CNTNAP2: variants seen among roughly 807,000 people sequenced by gnomAD.
The protein encoded by CNTNAP2 is contactin-associated protein-like 2.
A neutral mutation model predicts 155.2 loss-of-function variants in CNTNAP2; 98 were observed. The observed-to-expected ratio is 0.63, with a 90% CI of 0.54 to 0.75. The LOEUF (loss-of-function observed/expected upper bound fraction) is 0.75, where lower values mean the gene tolerates loss of function less well. CNTNAP2 is among the 30% of genes least tolerant of loss of function. The pLI is 0.00. For missense variants in CNTNAP2, 1,727 were observed against 1,688.1 expected (o/e 1.02, Z -0.40); for synonymous variants, 651 against 631.2 (o/e 1.03, Z -0.47).
At chr7:147,592,239 TTAGA>T (rs1800748709) in intron 12 of CNTNAP2, among the ~76,000 whole-genome samples, 1 of 152,176 alleles carries the variant, frequency 6.6e-6, no homozygotes, top group Non-Finnish European at 1.5e-5. Flanking sequence ...ATAAAAATGA[TTAGA>T]TAGAAGAAAC....
intron 13 of CNTNAP2, among the ~76,000 whole-genome samples, chr7:147,833,544 G>A (rs939160270): frequency 6.6e-6 from 1 of 152,190 alleles, no homozygotes; most frequent in African/African-American, 2.4e-5. Flanking sequence ...GCTGGCCTCA[G>A]CTTCTCTAAT....
At chr7:146,785,765 A>G (rs1802565169) in intron 2 of CNTNAP2, among the ~76,000 whole-genome samples, 1 of 152,220 alleles carries the variant, frequency 6.6e-6, no homozygotes, top group Non-Finnish European at 1.5e-5. Context: ...GCCCTCTCAT[A>G]TCAACATTCT....
chr7:146,125,288 C>T (rs73160671), intron 1 of CNTNAP2, among the ~76,000 whole-genome samples: 8,295 of 152,116 alleles, frequency 0.055, 250 homozygotes, highest in Middle Eastern at 0.11. Flanking sequence ...TTAAGAATAA[C>T]TATTTTGGCC....
chr7:146,330,818 C>T (rs1050590906), intron 1 of CNTNAP2, among the ~76,000 whole-genome samples: 3 of 152,092 alleles, frequency 2.0e-5, no homozygotes, highest in Admixed American at 1.3e-4. Context: ...TGCCTATTGG[C>T]AGTATGTGCT....
rs575879052 is a variant in CNTNAP2 at position 147,017,797 on chromosome 7, A to G, written c.403-26110A>G. ...TTAACTTATTCATGAGGAAACTAGC[A>G]GAATACTACAGCTGGTTTAAAAAAT... is the stretch of plus-strand genomic sequence containing the variant. On this transcript the variant is annotated intron_variant, in intron 3 of 23. Transcript: ENST00000361727. Among the ~76,000 whole-genome samples the G allele has an allele frequency of 1.8e-4, 27 of 152,230 alleles. No homozygotes were observed. In the East Asian group the frequency reaches 4.6e-3, roughly 26 times the overall value.
chr7:148,084,733 G>C (rs1411735700), intron 15 of CNTNAP2, among the ~76,000 whole-genome samples: 2 of 152,150 alleles, frequency 1.3e-5, no homozygotes, highest in Non-Finnish European at 2.9e-5. Context: ...CTTGTCCAGA[G>C]AAATCATGAG....
chr7:148,272,977 TTGAGGC>T (rs1403274171), intron 21 of CNTNAP2, among the ~76,000 whole-genome samples: 8 of 152,216 alleles, frequency 5.3e-5, no homozygotes, highest in Non-Finnish European at 1.0e-4. Context: ...TTAGACTTAG[TTGAGGC>T]TTACTCAGCA....
intron 8 of CNTNAP2, among the ~76,000 whole-genome samples, chr7:147,212,140 C>G (rs1262133254): frequency 6.6e-6 from 1 of 152,074 alleles, no homozygotes; most frequent in Non-Finnish European, 1.5e-5. Flanking sequence ...TGCTTACATG[C>G]TGTTGGTAGG....
chr7:146,888,925 C>T (rs1169309340), intron 3 of CNTNAP2, among the ~76,000 whole-genome samples: 1 of 152,070 alleles, frequency 6.6e-6, no homozygotes, highest in Non-Finnish European at 1.5e-5. Context: ...TAGTATCAAG[C>T]ACAGTGCCTA....
intron 3 of CNTNAP2, chr7:146,963,091 C>G (rs1797587052): frequency 6.6e-6 from 1 of 152,190 alleles, no homozygotes; most frequent in Non-Finnish European, 1.5e-5. Flanking sequence ...TTACGAAGCA[C>G]TTGATACCTC....
intron 17 of CNTNAP2, among the ~76,000 whole-genome samples, chr7:148,157,057 C>G (rs1399280983): frequency 9.2e-5 from 14 of 152,176 alleles, no homozygotes; most frequent in Admixed American, 9.2e-4. Context: ...TTCACTTCAT[C>G]CTCTCCATTT....
chr7:147,419,889 A>G (rs1216996270), intron 10 of CNTNAP2, among the ~76,000 whole-genome samples: 1 of 152,176 alleles, frequency 6.6e-6, no homozygotes, highest in Non-Finnish European at 1.5e-5. Flanking sequence ...TCTGGGTGTC[A>G]TTAGGTATTT....
At chr7:148,366,306 GTATGTATACAT>G (rs1203850770) in intron 21 of CNTNAP2, among the ~76,000 whole-genome samples, 101 of 151,334 alleles carry the variant, frequency 6.7e-4, no homozygotes, top group Middle Eastern at 6.8e-3. Context: ...ATATATGTAT[GTATGTATACAT>G]TATGTATACA....
intron 21 of CNTNAP2, among the ~76,000 whole-genome samples, chr7:148,286,599 A>T (rs971684253): frequency 2.6e-3 from 88 of 33,926 alleles, no homozygotes; most frequent in African/African-American, 7.8e-3. Context: ...AAAACACGTT[A>T]AAAAAAATCT....
At chr7:146,265,567 T>C (rs1442111176) in intron 1 of CNTNAP2, among the ~76,000 whole-genome samples, 2 of 151,774 alleles carry the variant, frequency 1.3e-5, no homozygotes, top group Admixed American at 1.3e-4. Context: ...CAAGTGATTC[T>C]CATGCCTCAG....
intron 4 of CNTNAP2, among the ~76,000 whole-genome samples, chr7:147,098,515 A>G (rs1331097839): frequency 6.6e-6 from 1 of 152,216 alleles, no homozygotes; most frequent in African/African-American, 2.4e-5. Flanking sequence ...TGGATGTAGA[A>G]GATACTTCAG....
intron 1 of CNTNAP2, among the ~76,000 whole-genome samples, chr7:146,586,899 G>A (rs1426629928): frequency 6.6e-6 from 1 of 151,906 alleles, no homozygotes; most frequent in Non-Finnish European, 1.5e-5. Flanking sequence ...TAATTGTCAG[G>A]GTCATTTTTG....
At chr7:147,367,844 G>A (rs1252898517) in intron 9 of CNTNAP2, among the ~76,000 whole-genome samples, 2 of 151,898 alleles carry the variant, frequency 1.3e-5, no homozygotes, top group Non-Finnish European at 2.9e-5. Context: ...CCTAGATTTG[G>A]TTAATGCCAT....
chr7:146,887,235 G>A (rs1449364531), intron 3 of CNTNAP2, among the ~76,000 whole-genome samples: 4 of 151,812 alleles, frequency 2.6e-5, no homozygotes, highest in South Asian at 2.1e-4. Flanking sequence ...CTGCAAACTC[G>A]CCTCCCCAGT....
Sources: gnomAD v4.1 joint callset for allele counts (sites outside exome capture counted in the v4.1 genomes callset) on GRCh38, gnomAD v4.1.1 for gene constraint, MANE v1.5 for transcripts, NCBI Gene and HGNC (gene_info 2026-07-23, HGNC 2026-07-21) for gene names.